Variants in LAMA2 observed in about 807,000 individuals in gnomAD.
The protein encoded by LAMA2 is laminin subunit alpha-2.
LAMA2 carries 269 observed loss-of-function variants against 364.8 expected under a neutral mutation model. That is an observed-to-expected ratio of 0.74 (90% CI 0.67 to 0.82). LAMA2 has a LOEUF of 0.82. Among genes scored for constraint, LAMA2 ranks in the 40% least tolerant of loss-of-function variants. The pLI is 0.00. For missense variants in LAMA2, 3,807 were observed against 3,873.2 expected (o/e 0.98, Z 0.45); for synonymous variants, 1,379 against 1,370.6 (o/e 1.01, Z -0.14).
chr6:129,249,460 T>C (rs965311135), intron 12 of LAMA2, among the ~76,000 whole-genome samples: 38 of 152,296 alleles, frequency 2.5e-4, no homozygotes, highest in African/African-American at 8.7e-4. Flanking sequence ...GCATGGGGCT[T>C]GGCATGTATA....
chr6:129,436,998 CTG>C (rs1781865250), intron 41 of LAMA2: 2 of 152,032 alleles, frequency 1.3e-5, no homozygotes, highest in Admixed American at 6.6e-5. Context: ...ATTTCTGTAA[CTG>C]TGACCAATTT....
intron 9 of LAMA2, among the ~76,000 whole-genome samples, chr6:129,167,435 G>A (rs926000243): frequency 2.6e-5 from 4 of 151,462 alleles, no homozygotes; most frequent in African/African-American, 7.3e-5. Context: ...TCTTGCAATC[G>A]TTTACTGAGA....
chr6:129,037,253 A>C (rs1007342516), intron 1 of LAMA2, among the ~76,000 whole-genome samples: 4 of 152,182 alleles, frequency 2.6e-5, no homozygotes, highest in African/African-American at 7.2e-5. Flanking sequence ...GAGAGATGGT[A>C]GGTGATTGGC....
chr6:129,373,200 T>G (rs1203521692), intron 34 of LAMA2, among the ~76,000 whole-genome samples: 1 of 152,240 alleles, frequency 6.6e-6, no homozygotes, highest in Non-Finnish European at 1.5e-5. Context: ...ATCTAAAGAC[T>G]CATTGCCATA....
chr6:129,007,121 C>T (rs74837467), intron 1 of LAMA2, among the ~76,000 whole-genome samples: 3,182 of 152,102 alleles, frequency 0.021, 114 homozygotes, highest in African/African-American at 0.072. Context: ...ATGCAGAGGG[C>T]GTAGGGGAAG....
At chr6:129,187,787 T>C in intron 10 of LAMA2, among the ~76,000 whole-genome samples, 1 of 151,858 alleles carries the variant, frequency 6.6e-6, no homozygotes, top group Non-Finnish European at 1.5e-5. Context: ...TAGTGAACAT[T>C]CCATTTGAGC....
chr6:129,055,367 T>C (rs1339402676), intron 2 of LAMA2, among the ~76,000 whole-genome samples: 1 of 151,904 alleles, frequency 6.6e-6, no homozygotes, highest in Non-Finnish European at 1.5e-5. Context: ...AATTTTTTTG[T>C]ATTTTTAGTA....
Position 128,985,017 on chromosome 6 carries a change from T to A in LAMA2, c.113-64901T>A, listed in dbSNP as rs543128536. Among the ~76,000 whole-genome samples, 3 of 152,338 alleles carry A rather than the reference T, an allele frequency of 2.0e-5. No homozygotes were observed. The East Asian group carries it at 5.8e-4, about 29-fold the overall frequency. ...TACGTTATTTTTATTATACAAAGAC[T>A]GTATCACTTTTTATTCCTTTGATAT... On this transcript the variant is annotated intron_variant, in intron 1 of 64. Coordinates refer to ENST00000421865, the MANE Select transcript of LAMA2 (RefSeq NM_000426.4).
intron 12 of LAMA2, among the ~76,000 whole-genome samples, chr6:129,195,731 T>G (rs1276524976): frequency 6.6e-6 from 1 of 152,148 alleles, no homozygotes; most frequent in Non-Finnish European, 1.5e-5. Context: ...TAATGCTTGG[T>G]TTTAGGGCAT....
chr6:129,143,710 T>A (rs1332718129), intron 4 of LAMA2, among the ~76,000 whole-genome samples, 191 bp from the exon 5 acceptor site: 1 of 151,992 alleles, frequency 6.6e-6, no homozygotes, highest in Non-Finnish European at 1.5e-5. Flanking sequence ...ACAAATTGCA[T>A]GTACATGTAT....
intron 56 of LAMA2, among the ~76,000 whole-genome samples, chr6:129,491,376 A>G (rs775759492): frequency 5.3e-5 from 8 of 152,210 alleles, no homozygotes; most frequent in Non-Finnish European, 7.3e-5. Flanking sequence ...TGCAAGGAAC[A>G]ATTAGCAGGG....
chr6:128,954,775 C>G (rs1172140986), intron 1 of LAMA2, among the ~76,000 whole-genome samples: 2 of 151,820 alleles, frequency 1.3e-5, no homozygotes, highest in Non-Finnish European at 2.9e-5. Context: ...TTAAAACAAT[C>G]TTTTGGTTTA....
chr6:129,222,348 C>A (rs1407339266), intron 12 of LAMA2, among the ~76,000 whole-genome samples: 2 of 148,466 alleles, frequency 1.3e-5, no homozygotes, highest in African/African-American at 4.9e-5. Flanking sequence ...TGGTACATAG[C>A]ATTTTTTTTT....
chr6:129,333,127 A>C (rs957085123), intron 29 of LAMA2, among the ~76,000 whole-genome samples: 1 of 152,018 alleles, frequency 6.6e-6, no homozygotes, highest in East Asian at 1.9e-4. Context: ...CCTGACCTCA[A>C]GTGATCTGCC....
intron 31 of LAMA2, among the ~76,000 whole-genome samples, chr6:129,350,900 T>G (rs1776817256): frequency 6.6e-6 from 1 of 152,172 alleles, no homozygotes; most frequent in South Asian, 2.1e-4. Context: ...TATCCAATAT[T>G]TGCATATATA....
chr6:129,258,957 T>C, intron 14 of LAMA2, among the ~76,000 whole-genome samples: 1 of 152,112 alleles, frequency 6.6e-6, no homozygotes, highest in East Asian at 1.9e-4. Context: ...CAATTAATAG[T>C]GTTGGATGAG....
At chr6:129,032,156 T>G (rs949964373) in intron 1 of LAMA2, among the ~76,000 whole-genome samples, 1 of 152,232 alleles carries the variant, frequency 6.6e-6, no homozygotes, top group Non-Finnish European at 1.5e-5. Context: ...CCTTTATGTG[T>G]CCAGCCCTGT....
intron 37 of LAMA2, among the ~76,000 whole-genome samples, chr6:129,398,290 CTTGTAATCAGGGAGA>C (rs1367034115): frequency 2.0e-4 from 30 of 152,152 alleles, no homozygotes; most frequent in African/African-American, 7.2e-4. Context: ...TAAGATATGA[CTTGTAATCAGGGAGA>C]TTGTAATCAG....
Position 129,281,352 on chromosome 6 carries a change from C to T in LAMA2, c.2537+1205C>T, listed in dbSNP as rs567501804. On this transcript the variant is annotated intron_variant, in intron 18 of 64. Coordinates refer to ENST00000421865, the MANE Select transcript of LAMA2 (RefSeq NM_000426.4). ...ACTACAGGCAACCTTTTTTTAGCAA[C>T]TGGAAAATGACAGCTGCTCTGTCAT... 5.3e-5 allele frequency among the ~76,000 whole-genome samples: 8 copies of T among 152,210 alleles called. No individual in the cohort carries two copies. In the South Asian group the frequency reaches 1.2e-3, roughly 24 times the overall value.
Sources: gnomAD v4.1 joint callset for allele counts (sites outside exome capture counted in the v4.1 genomes callset) on GRCh38, gnomAD v4.1.1 for gene constraint, MANE v1.5 for transcripts, NCBI Gene and HGNC (gene_info 2026-07-23, HGNC 2026-07-21) for gene names.